TMPRSS15: variants seen among roughly 807,000 people sequenced by gnomAD.
The protein encoded by TMPRSS15 is enteropeptidase.
A neutral mutation model predicts 125.3 loss-of-function variants in TMPRSS15; 128 were observed. The observed-to-expected ratio is 1.02, with a 90% CI of 0.89 to 1.18. The LOEUF (loss-of-function observed/expected upper bound fraction) is 1.18, where lower values mean the gene tolerates loss of function less well. Among genes scored for constraint, TMPRSS15 ranks in the 50% most tolerant of loss-of-function variants. The pLI is 0.00. For missense variants in TMPRSS15, 1,283 were observed against 1,212.7 expected, an observed-to-expected ratio of 1.06 and a Z score of -0.86; for synonymous variants, 446 against 423.2, an observed-to-expected ratio of 1.05 and a Z score of -0.66.
intron 17 of TMPRSS15, among the ~76,000 whole-genome samples, chr21:18,313,696 T>G (rs1156994797): frequency 6.6e-6 from 1 of 151,816 alleles, no homozygotes. Context: ...AAATATAAAT[T>G]TAGTAGACAA....
At chr21:18,297,977 T>C (rs2074926154) in intron 18 of TMPRSS15, 148 bp from the exon 19 acceptor site, 1 of 616,158 alleles carries the variant, frequency 1.6e-6, no homozygotes, top group South Asian at 1.9e-5. Flanking sequence ...TAAAACTTCA[T>C]GTGTTTTCCT....
intron 1 of TMPRSS15, among the ~76,000 whole-genome samples, chr21:18,421,211 T>C (rs1023866720): frequency 6.6e-6 from 1 of 152,222 alleles, no homozygotes; most frequent in Non-Finnish European, 1.5e-5. Flanking sequence ...GGATTCTCAA[T>C]CTTCAAATAT....
At chr21:18,435,631 T>A (rs2076226102) in intron 1 of TMPRSS15, among the ~76,000 whole-genome samples, 1 of 152,190 alleles carries the variant, frequency 6.6e-6, no homozygotes, top group Admixed American at 6.5e-5. Flanking sequence ...GGTATCAGGA[T>A]GATGCTGGCC....
At chr21:18,296,339 G>C (rs1284800018) in intron 19 of TMPRSS15, among the ~76,000 whole-genome samples, 3 of 152,030 alleles carry the variant, frequency 2.0e-5, no homozygotes, top group Non-Finnish European at 2.9e-5. Flanking sequence ...AATAATAAAT[G>C]CATAAATAAA....
At chr21:18,365,659 C>CTTCCTTCT (rs2075726603) in intron 6 of TMPRSS15, among the ~76,000 whole-genome samples, 1 of 114,796 alleles carries the variant, frequency 8.7e-6, no homozygotes, top group South Asian at 3.0e-4. Context: ...CCCTTCCTTC[C>CTTCCTTCT]TTCCTTCCTT....
chr21:18,393,044 G>A (rs1412215858), intron 3 of TMPRSS15, among the ~76,000 whole-genome samples: 1 of 152,148 alleles, frequency 6.6e-6, no homozygotes, highest in Non-Finnish European at 1.5e-5. Flanking sequence ...AGATAAAAGA[G>A]AGAAAGCAGG....
intron 18 of TMPRSS15, among the ~76,000 whole-genome samples, chr21:18,308,596 G>A (rs2075061769): frequency 2.7e-5 from 2 of 73,486 alleles, no homozygotes; most frequent in Non-Finnish European, 6.3e-5. Context: ...TATACACTGA[G>A]ACTTTTTTTT....
chr21:18,359,876 C>CA lies in TMPRSS15; in HGVS notation c.774-14dup. 1 of 1,289,836 alleles carries CA rather than the reference C, an allele frequency of 7.8e-7. No homozygotes were observed. 79.9% of individuals were successfully genotyped at this position (1,289,836 alleles called of 1,614,324 possible). ...TCCTTGGTTTACACTAAATTAAAAG[C>CA]AAAAAATAGATTACCAAATTTTTAA... On this transcript the variant is annotated splice_polypyrimidine_tract_variant and intron_variant, in intron 7 of 24. Coordinates refer to ENST00000284885, the MANE Select transcript of TMPRSS15 (RefSeq NM_002772.3).
chr21:18,405,664 T>C (rs1235215537), upstream of TMPRSS15, among the ~76,000 whole-genome samples: 3 of 152,142 alleles, frequency 2.0e-5, no homozygotes, highest in East Asian at 3.9e-4. Context: ...GGCTCTTCAA[T>C]ACATAGCGCC....
chr21:18,451,344 C>T (rs1480651146), intron 1 of TMPRSS15, among the ~76,000 whole-genome samples: 1 of 137,682 alleles, frequency 7.3e-6, no homozygotes, highest in Non-Finnish European at 1.5e-5. Context: ...AACTAAATGT[C>T]TGTTTTTATT....
At chr21:18,469,632 A>C (rs1417400997) in intron 1 of TMPRSS15, among the ~76,000 whole-genome samples, 1 of 151,908 alleles carries the variant, frequency 6.6e-6, no homozygotes, top group Non-Finnish European at 1.5e-5. Flanking sequence ...GAAAGTATAC[A>C]ATACAAGAGC....
chr21:18,365,649 C>CCTT (rs1555904783), intron 6 of TMPRSS15, among the ~76,000 whole-genome samples: 6,832 of 65,832 alleles, frequency 0.1, 994 homozygotes, highest in Non-Finnish European at 0.13. Context: ...TCTTTTTCCT[C>CCTT]CCTTCCTTCC....
chr21:18,350,378 G>C (rs1025854318), intron 10 of TMPRSS15, among the ~76,000 whole-genome samples: 2 of 152,132 alleles, frequency 1.3e-5, no homozygotes, highest in Non-Finnish European at 2.9e-5. Flanking sequence ...GCTGGATCCT[G>C]TTGGCTTCAG....
chr21:18,377,314 G>A (rs78242861), intron 5 of TMPRSS15, among the ~76,000 whole-genome samples: 8,817 of 152,170 alleles, frequency 0.058, 375 homozygotes, highest in Admixed American at 0.086. Flanking sequence ...TATAATAATC[G>A]TGTTTTAAAT....
At chr21:18,312,840 C>A (rs2075115589) in intron 18 of TMPRSS15, 105 bp downstream of exon 18, 1 of 1,435,440 alleles carries the variant, frequency 7.0e-7, no homozygotes, top group Non-Finnish European at 9.5e-7. Context: ...TGTGTATTTT[C>A]TAAATTCATA....
chr21:18,275,372 A>C (rs1469048640), intron 23 of TMPRSS15, 36 bp from the exon 24 acceptor site: 2 of 1,612,602 alleles, frequency 1.2e-6, no homozygotes, highest in South Asian at 2.2e-5. Context: ...GCCAGTCAGA[A>C]GTGATCAACA....
At position 18,467,400 on chromosome 21, in the gene TMPRSS15, T is replaced by TATAATAATAATAATA. The variant is rs367778639; in HGVS notation, c.10+18384_10+18398dup. 3.8e-3 allele frequency among the ~76,000 whole-genome samples: 568 copies of TATAATAATAATAATA among 150,312 alleles called. 2 individuals are homozygous for TATAATAATAATAATA. The highest frequency in any genetic ancestry group is 6.0e-3 in the Non-Finnish European group (408 of 67,658). On this transcript the variant is annotated intron_variant, in intron 1 of 7. Transcript: ENST00000422787. ...TGCACATGTATCCCAGAATGAAAAG[T>TATAATAATAATAATA]ATAATAATAATAATAATAATAATAA... is the stretch of plus-strand genomic sequence containing the variant.
chr21:18,326,650 C>A, intron 15 of TMPRSS15, 78 bp from the exon 16 acceptor site: 1 of 1,562,204 alleles, frequency 6.4e-7, no homozygotes, highest in Non-Finnish European at 8.8e-7. Context: ...ATCTCAGTTC[C>A]CTCTGCCAGA....
intron 3 of TMPRSS15, among the ~76,000 whole-genome samples, chr21:18,391,538 G>A (rs1181880900): frequency 2.6e-5 from 4 of 152,200 alleles, no homozygotes; most frequent in Non-Finnish European, 4.4e-5. Context: ...GGGCTCTGAC[G>A]GTCTTGGGCA....
Sources: gnomAD v4.1 joint callset for allele counts (sites outside exome capture counted in the v4.1 genomes callset) on GRCh38, gnomAD v4.1.1 for gene constraint, MANE v1.5 for transcripts, NCBI Gene and HGNC (gene_info 2026-07-23, HGNC 2026-07-21) for gene names.